The following SPON1 variants were observed in gnomAD, a reference collection of about 807,000 sequenced individuals.
SPON1 encodes the protein spondin 1, also known as spondin-1.
Under a neutral mutation model 111.7 loss-of-function variants are expected in SPON1, and 52 were observed. The observed-to-expected ratio is 0.47, with a 90% CI of 0.37 to 0.59. The LOEUF (loss-of-function observed/expected upper bound fraction) is 0.59, where lower values mean the gene tolerates loss of function less well. SPON1 is among the 20% of genes least tolerant of loss of function. SPON1 has a pLI of 0.00. For missense variants in SPON1, 957 were observed against 1,068.5 expected (o/e 0.90, Z 1.46); for synonymous variants, 410 against 395.8 (o/e 1.04, Z -0.43).
chr11:14,165,777 C>T (rs187299192), intron 6 of SPON1, among the ~76,000 whole-genome samples: 13 of 152,284 alleles, frequency 8.5e-5, no homozygotes, highest in Admixed American at 2.0e-4. Context: ...CATGATAGAA[C>T]TGACTTGTTT....
At chr11:14,264,962 A>T (rs1258423910) in intron 15 of SPON1, among the ~76,000 whole-genome samples, 1 of 152,208 alleles carries the variant, frequency 6.6e-6, no homozygotes, top group Non-Finnish European at 1.5e-5. Flanking sequence ...CTGCTGCATA[A>T]GCCATCCCAA....
chr11:14,233,284 A>G (rs1451743002), intron 6 of SPON1, among the ~76,000 whole-genome samples: 1 of 152,060 alleles, frequency 6.6e-6, no homozygotes, highest in African/African-American at 2.4e-5. Context: ...TCTGCATCCC[A>G]TGCCTTGAAC....
intron 3 of SPON1, among the ~76,000 whole-genome samples, chr11:14,066,318 CTT>C (rs1185109643): frequency 4.6e-5 from 7 of 152,070 alleles, no homozygotes; most frequent in African/African-American, 1.7e-4. Context: ...ACAAATATCT[CTT>C]TGCAAGGTTA....
Position 14,226,987 on chromosome 11 carries a change from A to G in SPON1, c.826-16345A>G, listed in dbSNP as rs1386472759. The stretch of plus-strand genomic sequence containing the variant: ...CCCTGTGCCTCTGTCTTGTAAAGAC[A>G]CTTATATTTAGGGCCTACCCTGATA... On this transcript the variant is annotated intron_variant, in intron 6 of 15. Coordinates refer to ENST00000576479, the MANE Select transcript of SPON1 (RefSeq NM_006108.4). 5.9e-5 allele frequency among the ~76,000 whole-genome samples: 9 copies of G among 152,196 alleles called. No homozygotes were observed. The East Asian group carries it at 1.7e-3, about 29-fold the overall frequency.
intron 6 of SPON1, among the ~76,000 whole-genome samples, chr11:14,150,904 CT>C (rs1241770647): frequency 6.6e-6 from 1 of 152,154 alleles, no homozygotes; most frequent in Admixed American, 6.5e-5. Flanking sequence ...CTAAAATTAC[CT>C]CCTTTCTTGT....
At chr11:14,019,024 A>C (rs1231065705) in intron 2 of SPON1, among the ~76,000 whole-genome samples, 3 of 152,214 alleles carry the variant, frequency 2.0e-5, no homozygotes, top group African/African-American at 7.2e-5. Flanking sequence ...GAGAAGTACA[A>C]GTCCAAAGAG....
At chr11:13,967,899 T>TA (rs1554908192) in intron 1 of SPON1, among the ~76,000 whole-genome samples, 1 of 152,208 alleles carries the variant, frequency 6.6e-6, no homozygotes, top group African/African-American at 2.4e-5. Flanking sequence ...GGAGATTGTT[T>TA]ATTGCTCTGA....
chr11:14,122,221 C>T (rs1554926574), intron 5 of SPON1, among the ~76,000 whole-genome samples: 1 of 152,150 alleles, frequency 6.6e-6, no homozygotes, highest in African/African-American at 2.4e-5. Flanking sequence ...GTCGCCCAGG[C>T]TGGAGTGCAG....
chr11:13,997,678 T>C (rs1554911956), intron 2 of SPON1, among the ~76,000 whole-genome samples: 1 of 152,184 alleles, frequency 6.6e-6, no homozygotes, highest in Non-Finnish European at 1.5e-5. Flanking sequence ...ACTCCACAGG[T>C]GAGGAGAGAG....
chr11:14,226,481 C>T (rs1554938146), intron 6 of SPON1, among the ~76,000 whole-genome samples: 1 of 152,192 alleles, frequency 6.6e-6, no homozygotes, highest in Non-Finnish European at 1.5e-5. Flanking sequence ...AGCTGTGGTT[C>T]ACTGTTGCTG....
intron 6 of SPON1, among the ~76,000 whole-genome samples, chr11:14,201,438 AC>A (rs1334507372): frequency 4.6e-5 from 7 of 151,078 alleles, no homozygotes; most frequent in South Asian, 4.2e-4. Context: ...TTGCTCTATC[AC>A]CCAGGCTGGA....
chr11:14,216,492 G>A (rs1445997356), intron 6 of SPON1, among the ~76,000 whole-genome samples: 1 of 152,142 alleles, frequency 6.6e-6, no homozygotes, highest in Non-Finnish European at 1.5e-5. Context: ...AGCTAATGAG[G>A]TTTCTTATTG....
intron 6 of SPON1, among the ~76,000 whole-genome samples, chr11:14,200,814 TAAAAAAAAAAAAAAA>T (rs572814576): frequency 3.9e-4 from 31 of 79,344 alleles, no homozygotes; most frequent in Admixed American, 7.7e-4. Flanking sequence ...GACCCTGTCT[TAAAAAAAAAAAAAAA>T]AAAAAAAAAA....
chr11:14,226,897 G>A (rs1172421834), intron 6 of SPON1, among the ~76,000 whole-genome samples: 1 of 152,160 alleles, frequency 6.6e-6, no homozygotes, highest in Non-Finnish European at 1.5e-5. Context: ...CTTGGCTTGT[G>A]GCCACATCAT....
intron 5 of SPON1, among the ~76,000 whole-genome samples, chr11:14,131,000 A>T (rs1478684418): frequency 6.6e-6 from 1 of 152,210 alleles, no homozygotes; most frequent in Non-Finnish European, 1.5e-5. Context: ...GCCAAACCAT[A>T]TCAGCTTAAT....
chr11:14,088,232 T>A (rs1554922919), intron 5 of SPON1, among the ~76,000 whole-genome samples: 2 of 152,242 alleles, frequency 1.3e-5, no homozygotes, highest in Non-Finnish European at 1.5e-5. Context: ...GTGTCATTGA[T>A]CTTTATATTT....
intron 15 of SPON1, among the ~76,000 whole-genome samples, chr11:14,264,182 A>C (rs1266662596): frequency 3.9e-5 from 6 of 152,196 alleles, no homozygotes; most frequent in Non-Finnish European, 7.3e-5. Flanking sequence ...GGCAGGCAGG[A>C]AACCAGGCTG....
chr11:14,131,727 A>G (rs527831550), intron 5 of SPON1, among the ~76,000 whole-genome samples: 1 of 152,312 alleles, frequency 6.6e-6, no homozygotes, highest in Admixed American at 6.5e-5. Context: ...GAGAGATTGA[A>G]TGACTGGTTT....
At chr11:14,145,787 TA>T (rs1283892383) in intron 6 of SPON1, among the ~76,000 whole-genome samples, 1 of 152,134 alleles carries the variant, frequency 6.6e-6, no homozygotes, top group African/African-American at 2.4e-5. Context: ...CTTTCATCAA[TA>T]GGGGTCATAT....
Sources: allele counts gnomAD v4.1 joint callset (sites outside exome capture counted in the v4.1 genomes callset), GRCh38; gene constraint gnomAD v4.1.1; transcripts MANE v1.5; gene names NCBI Gene and HGNC (gene_info 2026-07-23, HGNC 2026-07-21).